The following TMPRSS11D variants were observed in gnomAD, a reference collection of about 807,000 sequenced individuals.
TMPRSS11D encodes transmembrane serine protease 11D.
TMPRSS11D carries 32 observed loss-of-function variants against 44.4 expected under a neutral mutation model. The observed-to-expected ratio is 0.72, with a 90% CI of 0.54 to 0.97. TMPRSS11D has a LOEUF of 0.97. TMPRSS11D is among the 50% of genes least tolerant of loss of function. The probability of loss-of-function intolerance (pLI) is 0.00; values close to 1 mark genes in which losing one functional copy is unlikely to be tolerated. For synonymous variants in TMPRSS11D, 179 were observed against 177.9 expected (o/e 1.01, Z -0.05); for missense variants, 446 against 502.6 (o/e 0.89, Z 1.08).
intron 1 of TMPRSS11D, among the ~76,000 whole-genome samples, chr4:67,867,036 CA>C (rs1456784492): frequency 6.6e-6 from 1 of 151,886 alleles, no homozygotes; most frequent in African/African-American, 2.4e-5. Context: ...CAATTCTAAG[CA>C]AAAAGAGCAA....
chr4:67,859,076 T>C (rs1041217449), intron 2 of TMPRSS11D, among the ~76,000 whole-genome samples: 6 of 152,158 alleles, frequency 3.9e-5, no homozygotes, highest in African/African-American at 1.4e-4. Context: ...TGTAAGACAC[T>C]GTTTTCAGAA....
chr4:67,852,969 C>T (rs919206536), intron 3 of TMPRSS11D, among the ~76,000 whole-genome samples: 5 of 152,028 alleles, frequency 3.3e-5, no homozygotes, highest in East Asian at 1.9e-4. Flanking sequence ...AATTTTGTGG[C>T]GAGGTGATGT....
chr4:67,840,095 T>A (rs1718196421), intron 4 of TMPRSS11D, among the ~76,000 whole-genome samples: 2 of 151,470 alleles, frequency 1.3e-5, no homozygotes, highest in South Asian at 4.2e-4. Context: ...TTGTACAGGG[T>A]CCCAAGTGAG....
At chr4:67,882,478 A>G (rs1257043311) in intron 1 of TMPRSS11D, among the ~76,000 whole-genome samples, 1 of 152,156 alleles carries the variant, frequency 6.6e-6, no homozygotes, top group Non-Finnish European at 1.5e-5. Flanking sequence ...CTGTACAATG[A>G]TGGATCAACT....
Position 67,831,219 on chromosome 4 carries a change from C to T in TMPRSS11D, c.692+1985G>A, listed in dbSNP as rs190834400. Among the ~76,000 whole-genome samples the T allele has an allele frequency of 2.0e-5, 3 of 152,126 alleles. No individual in the cohort carries two copies. In the East Asian group the frequency reaches 5.8e-4, roughly 29 times the overall value. Reference sequence around the variant, plus strand: ...ACTCAATGGAGAGGAAAGAGAGTATCAGGGAAAGCTACATAGAAGAGGTGA... The same window carrying T: ...ACTCAATGGAGAGGAAAGAGAGTATTAGGGAAAGCTACATAGAAGAGGTGA... On this transcript the variant is annotated intron_variant, in intron 7 of 9. Coordinates refer to ENST00000283916, the MANE Select transcript of TMPRSS11D (RefSeq NM_004262.3).
At chr4:67,854,908 C>G (rs1477821091) in intron 2 of TMPRSS11D, among the ~76,000 whole-genome samples, 2 of 152,124 alleles carry the variant, frequency 1.3e-5, no homozygotes, top group Non-Finnish European at 2.9e-5. Context: ...CTCCCCAACT[C>G]ATTCTATGAA....
At chr4:67,863,320 G>C (rs1288477603) in intron 1 of TMPRSS11D, among the ~76,000 whole-genome samples, 1 of 136,132 alleles carries the variant, frequency 7.3e-6, no homozygotes, top group Non-Finnish European at 1.5e-5. Flanking sequence ...ACCAAAACTG[G>C]TCTTGCTCAA....
intron 1 of TMPRSS11D, among the ~76,000 whole-genome samples, chr4:67,877,269 T>A (rs1248263924): frequency 6.6e-6 from 1 of 152,170 alleles, no homozygotes; most frequent in African/African-American, 2.4e-5. Flanking sequence ...TCTCATTCAG[T>A]CAGTTTCAAT....
intron 9 of TMPRSS11D, among the ~76,000 whole-genome samples, chr4:67,824,372 T>C (rs1215998515): frequency 6.6e-6 from 1 of 152,154 alleles, no homozygotes; most frequent in Non-Finnish European, 1.5e-5. Context: ...TCTTAATTAA[T>C]GCTCTTAGTA....
chr4:67,862,740 A>G (rs1008005270), intron 1 of TMPRSS11D, among the ~76,000 whole-genome samples: 5 of 152,158 alleles, frequency 3.3e-5, no homozygotes, highest in African/African-American at 1.2e-4. Flanking sequence ...AAAATTGATG[A>G]GTTCATGTCC....
At chr4:67,852,331 C>A (rs1161158002) in intron 3 of TMPRSS11D, among the ~76,000 whole-genome samples, 1 of 152,130 alleles carries the variant, frequency 6.6e-6, no homozygotes, top group Non-Finnish European at 1.5e-5. Context: ...TTGAGTGGGG[C>A]TCCGAGAAGA....
intron 1 of TMPRSS11D, among the ~76,000 whole-genome samples, chr4:67,873,632 G>T (rs1719111303): frequency 6.6e-6 from 1 of 152,156 alleles, no homozygotes; most frequent in Non-Finnish European, 1.5e-5. Flanking sequence ...TCAATTTTTA[G>T]TGGATATGTG....
chr4:67,822,696 G>T (rs1185232130), intron 9 of TMPRSS11D, among the ~76,000 whole-genome samples, 198 bp from the exon 10 acceptor site: 1 of 152,162 alleles, frequency 6.6e-6, no homozygotes, highest in Admixed American at 6.5e-5. Flanking sequence ...CCTTCAGCAA[G>T]TCTGAGAAGA....
At chr4:67,843,505 C>T (rs1409077456) in intron 3 of TMPRSS11D, among the ~76,000 whole-genome samples, 2 of 152,080 alleles carry the variant, frequency 1.3e-5, no homozygotes, top group South Asian at 2.1e-4. Context: ...ACTTGTACTC[C>T]ATGGGTATGT....
At chr4:67,870,344 T>A (rs1719026159) in intron 1 of TMPRSS11D, among the ~76,000 whole-genome samples, 1 of 152,180 alleles carries the variant, frequency 6.6e-6, no homozygotes. Flanking sequence ...CATCCTGGCC[T>A]CTCTGCCGCT....
intron 5 of TMPRSS11D, 41 bp downstream of exon 5, chr4:67,838,131 G>A (rs766925094): frequency 8.3e-5 from 119 of 1,426,992 alleles, no homozygotes; most frequent in Non-Finnish European, 1.1e-4. Flanking sequence ...AAACTTGAGG[G>A]ATATATTGAA....
chr4:67,839,259 C>T (rs1718175636), intron 4 of TMPRSS11D, among the ~76,000 whole-genome samples: 1 of 152,124 alleles, frequency 6.6e-6, no homozygotes, highest in Non-Finnish European at 1.5e-5. Flanking sequence ...CTAAGATTCA[C>T]AGTTGCCATA....
At chr4:67,861,276 T>C (rs1016895197) in intron 1 of TMPRSS11D, among the ~76,000 whole-genome samples, 40 of 152,274 alleles carry the variant, frequency 2.6e-4, no homozygotes, top group African/African-American at 9.1e-4. Flanking sequence ...TGAAGAAAAC[T>C]GTCACTTTGA....
intron 1 of TMPRSS11D, among the ~76,000 whole-genome samples, chr4:67,879,849 C>T (rs1163371930): frequency 6.6e-6 from 1 of 152,080 alleles, no homozygotes; most frequent in Non-Finnish European, 1.5e-5. Context: ...ATGTTTGTAC[C>T]ATTGGACCCG....
Sources: gnomAD v4.1 joint callset for allele counts (sites outside exome capture counted in the v4.1 genomes callset) on GRCh38, gnomAD v4.1.1 for gene constraint, MANE v1.5 for transcripts, NCBI Gene and HGNC (gene_info 2026-07-23, HGNC 2026-07-21) for gene names.